The following CLMP variants were observed in gnomAD, a reference collection of about 807,000 sequenced individuals.
CLMP encodes CXADR-like membrane protein.
CLMP carries 27 observed loss-of-function variants against 45.2 expected under a neutral mutation model. That is an observed-to-expected ratio of 0.60 (90% CI 0.44 to 0.82). The LOEUF (loss-of-function observed/expected upper bound fraction) is 0.82, where lower values mean the gene tolerates loss of function less well. Ranked by LOEUF, CLMP falls within the 40% of genes least tolerant of loss-of-function variation. The pLI is 0.00. For synonymous variants in CLMP, 167 were observed against 171.4 expected (o/e 0.97, Z 0.20); for missense variants, 403 against 448.4 (o/e 0.90, Z 0.91).
At position 123,107,534 on chromosome 11, in the gene CLMP, A is replaced by ATTTTTTTTTTTTTTTTTT. The variant is rs370750162; in HGVS notation, c.29-9600_29-9583dup. 8.3e-4 allele frequency among the ~76,000 whole-genome samples: 103 copies of ATTTTTTTTTTTTTTTTTT among 123,392 alleles called. 1 individual carries two copies. Among genetic ancestry groups the ATTTTTTTTTTTTTTTTTT allele is most frequent in the African/African-American group, 1.8e-3 (58 of 32,768 alleles). 80.9% of individuals were successfully genotyped at this position (123,392 alleles called of 152,430 possible). ...GTGCGAGCCACCGCACCTGACCTAAATTTTTTTTTTTTTTTTTTTCAGAAA... is the reference window on the plus strand; with the variant it reads ...GTGCGAGCCACCGCACCTGACCTAAATTTTTTTTTTTTTTTTTTTTTTTTTTTTTTTTTTTTTCAGAAA... On this transcript the variant is annotated intron_variant, in intron 1 of 6. Coordinates refer to ENST00000448775, the MANE Select transcript of CLMP (RefSeq NM_024769.5).
chr11:123,076,045 C>T (rs1315983548), intron 5 of CLMP, among the ~76,000 whole-genome samples: 2 of 152,028 alleles, frequency 1.3e-5, no homozygotes, highest in Non-Finnish European at 2.9e-5. Flanking sequence ...TGGTGGCACA[C>T]GCCTATAATC....
At chr11:123,119,373 A>G (rs1396825171) in intron 1 of CLMP, among the ~76,000 whole-genome samples, 2 of 152,122 alleles carry the variant, frequency 1.3e-5, no homozygotes, top group South Asian at 2.1e-4. Context: ...ATTATTCACC[A>G]TGCCCGGCTG....
intron 2 of CLMP, among the ~76,000 whole-genome samples, chr11:123,088,056 A>G (rs577133330): frequency 6.6e-6 from 1 of 151,844 alleles, no homozygotes; most frequent in African/African-American, 2.4e-5. Context: ...GATTACAGGC[A>G]TGTGCCACCA....
chr11:123,112,798 A>G (rs1238435164), intron 1 of CLMP, among the ~76,000 whole-genome samples: 2 of 127,278 alleles, frequency 1.6e-5, no homozygotes, highest in Admixed American at 1.7e-4. Flanking sequence ...TTTTGAGACG[A>G]AGTCTCGCTC....
At chr11:123,116,677 A>G (rs768852178) in intron 1 of CLMP, among the ~76,000 whole-genome samples, 23 of 152,312 alleles carry the variant, frequency 1.5e-4, no homozygotes, top group South Asian at 4.1e-4. Flanking sequence ...TGCTTTCACA[A>G]TTCACTAGAT....
At chr11:123,175,926 T>C (rs1861692632) in intron 1 of CLMP, among the ~76,000 whole-genome samples, 1 of 152,240 alleles carries the variant, frequency 6.6e-6, no homozygotes, top group African/African-American at 2.4e-5. Context: ...CTTATTTTAG[T>C]TAGTTACCAA....
chr11:123,116,096 G>T (rs139061187), intron 1 of CLMP, among the ~76,000 whole-genome samples: 117 of 152,048 alleles, frequency 7.7e-4, no homozygotes, highest in African/African-American at 2.8e-3. Context: ...CCCCAGGGTA[G>T]GTGATGCAAA....
chr11:123,113,558 T>A (rs887567189), intron 1 of CLMP, among the ~76,000 whole-genome samples: 1 of 152,208 alleles, frequency 6.6e-6, no homozygotes, highest in African/African-American at 2.4e-5. Flanking sequence ...GCAGCCTTAG[T>A]GATTAGCAAA....
chr11:123,115,541 C>T (rs1565386674), intron 1 of CLMP, among the ~76,000 whole-genome samples: 1 of 151,838 alleles, frequency 6.6e-6, no homozygotes, highest in Non-Finnish European at 1.5e-5. Context: ...CAAAAGAGTA[C>T]ATTCTATAGG....
chr11:123,118,390 C>T lies in CLMP; in HGVS notation c.29-20438G>A, dbSNP rs182740276. On this transcript the variant is annotated intron_variant, in intron 1 of 6. Transcript: ENST00000448775. ...CCTCAGGTGATCTTCCTGCCTTGGC[C>T]TCCCAAAGTGCTGGGATTACAGGCA... 1.8e-3 allele frequency among the ~76,000 whole-genome samples: 270 copies of T among 152,312 alleles called. 2 individuals are homozygous for T. Among genetic ancestry groups the T allele is most frequent in the African/African-American group, 6.3e-3 (262 of 41,568 alleles).
At chr11:123,100,882 G>A (rs1591457355) in intron 1 of CLMP, among the ~76,000 whole-genome samples, 3 of 151,542 alleles carry the variant, frequency 2.0e-5, no homozygotes, top group East Asian at 3.9e-4. Context: ...ACCAGGTCAC[G>A]GGCTGGGTTC....
rs1376053016 is a variant in CLMP, at chr11:123,106,416, TGTGTGTGTGCGC to T, written c.29-8476_29-8465del. 1.2e-3 allele frequency among the ~76,000 whole-genome samples: 131 copies of T among 107,594 alleles called. 1 individual carries two copies. Among genetic ancestry groups the T allele is most frequent in the African/African-American group, 3.9e-3 (111 of 28,384 alleles). The allele number at this position is 107,594 out of a possible 152,430, so 70.6% of individuals were successfully genotyped here. A position where few individuals can be genotyped will look rare whatever the true frequency, so the allele number is the denominator to read the frequency against. On this transcript the variant is annotated intron_variant, in intron 1 of 6. Transcript: ENST00000448775. The stretch of plus-strand genomic sequence containing the variant: ...GTGTGTGTGTGTGTGTGTGTGTGTG[TGTGTGTGTGCGC>T]GCGCGCGCGCGCACGTGCCTGCCTT...
intron 1 of CLMP, among the ~76,000 whole-genome samples, chr11:123,145,204 A>T (rs964816312): frequency 1.3e-5 from 2 of 152,134 alleles, no homozygotes; most frequent in South Asian, 4.1e-4. Context: ...TTTAAATTCC[A>T]TGGGGGCTCA....
chr11:123,163,984 T>C (rs1009520207), intron 1 of CLMP, among the ~76,000 whole-genome samples: 2 of 152,224 alleles, frequency 1.3e-5, no homozygotes, highest in African/African-American at 4.8e-5. Context: ...TTTTGTTTTA[T>C]TAAAAAAATC....
chr11:123,148,506 T>C (rs865939239), intron 1 of CLMP, among the ~76,000 whole-genome samples: 1 of 152,234 alleles, frequency 6.6e-6, no homozygotes, highest in Non-Finnish European at 1.5e-5. Flanking sequence ...AATAAGTTGG[T>C]TCCCGTTCTA....
chr11:123,179,757 C>T (rs970123896), intron 1 of CLMP, among the ~76,000 whole-genome samples: 1 of 152,200 alleles, frequency 6.6e-6, no homozygotes, highest in Non-Finnish European at 1.5e-5. Flanking sequence ...GCCGGGGGTT[C>T]AAAGAGCTTT....
In CLMP at chr11:123,191,698, C is replaced by T. The variant is rs75485827; in HGVS notation, c.28+3215G>A. ...TGGGCTCCTCACTATTGGGTTATCC[C>T]GCAGTCAAAGGTTAGTGATCTTCCA... On this transcript the variant is annotated intron_variant, in intron 1 of 6. Coordinates refer to ENST00000448775, the MANE Select transcript of CLMP (RefSeq NM_024769.5). Among the ~76,000 whole-genome samples, 1,320 of 152,294 alleles carry T rather than the reference C, an allele frequency of 8.7e-3. 15 individuals carry two copies. Among genetic ancestry groups the T allele is most frequent in the African/African-American group, 0.029 (1,187 of 41,556 alleles).
chr11:123,085,784 T>G (rs1329157032), intron 2 of CLMP, among the ~76,000 whole-genome samples: 5 of 121,716 alleles, frequency 4.1e-5, no homozygotes, highest in East Asian at 4.1e-4. Flanking sequence ...TTTTTTTTTG[T>G]TTTTTTTTTG....
At chr11:123,134,076 A>G (rs1861031929) in intron 1 of CLMP, among the ~76,000 whole-genome samples, 1 of 152,110 alleles carries the variant, frequency 6.6e-6, no homozygotes, top group Admixed American at 6.6e-5. Flanking sequence ...TCTGGCCAAC[A>G]CGGTGAAACC....
Sources: gnomAD v4.1 joint callset for allele counts (sites outside exome capture counted in the v4.1 genomes callset) on GRCh38, gnomAD v4.1.1 for gene constraint, MANE v1.5 for transcripts, NCBI Gene and HGNC (gene_info 2026-07-23, HGNC 2026-07-21) for gene names.